The following SASH1 variants were observed in gnomAD, a reference collection of about 807,000 sequenced individuals.
SASH1 encodes SAM and SH3 domain containing 1.
SASH1 carries 44 observed loss-of-function variants against 125.2 expected under a neutral mutation model. The ratio of observed to expected loss-of-function variants is 0.35; its 90% CI spans 0.28 to 0.45. SASH1 has a LOEUF of 0.45. Among genes scored for constraint, SASH1 ranks in the 20% least tolerant of loss-of-function variants. The pLI is 1.00. For missense variants in SASH1, 1,426 were observed against 1,614.5 expected (o/e 0.88, Z 2.00); for synonymous variants, 639 against 649.1 (o/e 0.98, Z 0.24).
At chr6:148,201,908 A>G in the SASH1 span, among the ~76,000 whole-genome samples, 1 of 152,180 alleles carries the variant, frequency 6.6e-6, no homozygotes, top group Admixed American at 6.5e-5. Flanking sequence ...GAGGCTGGAC[A>G]CAGCCTGCAG....
chr6:148,250,816 G>A, the SASH1 span, among the ~76,000 whole-genome samples: 5 of 152,114 alleles, frequency 3.3e-5, no homozygotes, highest in African/African-American at 7.2e-5. Flanking sequence ...TATCCCTAGT[G>A]TTTCAGTAAC....
At chr6:148,353,782 T>C (rs533215500) in intron 1 of SASH1, among the ~76,000 whole-genome samples, 1 of 152,346 alleles carries the variant, frequency 6.6e-6, no homozygotes, top group East Asian at 1.9e-4. Flanking sequence ...CCCTTTTTAA[T>C]ATGTAGCTTA....
intron 1 of SASH1, among the ~76,000 whole-genome samples, chr6:148,354,288 T>C (rs1158443895): frequency 1.3e-5 from 2 of 152,252 alleles, no homozygotes; most frequent in African/African-American, 4.8e-5. Context: ...TCTGTTTAAA[T>C]GGTACCCACA....
chr6:148,379,574 A>G (rs1247249044), intron 1 of SASH1, among the ~76,000 whole-genome samples: 1 of 152,144 alleles, frequency 6.6e-6, no homozygotes, highest in Non-Finnish European at 1.5e-5. Flanking sequence ...CAGGAAAGAG[A>G]GGGATCAACT....
intron 8 of SASH1, among the ~76,000 whole-genome samples, chr6:148,505,663 A>G (rs1779759188): frequency 6.9e-6 from 1 of 144,734 alleles, no homozygotes; most frequent in African/African-American, 2.6e-5. Flanking sequence ...CTTTTTGGAG[A>G]TAGAGTGTCG....
intron 2 of SASH1, among the ~76,000 whole-genome samples, chr6:148,403,025 G>A (rs1784238147): frequency 6.6e-6 from 1 of 152,100 alleles, no homozygotes; most frequent in Non-Finnish European, 1.5e-5. Context: ...TCATTATAAA[G>A]TTAGCACTTG....
chr6:148,201,382 T>A, the SASH1 span, among the ~76,000 whole-genome samples: 4 of 152,124 alleles, frequency 2.6e-5, no homozygotes, highest in African/African-American at 7.2e-5. Context: ...TGGGACCAAC[T>A]GAATAGAGCA....
chr6:148,513,282 T>C, intron 8 of SASH1: 3 of 985,386 alleles, frequency 3.0e-6, no homozygotes, highest in Non-Finnish European at 3.6e-6. Context: ...TTGGAGGAAA[T>C]GGAGAGAAGG....
At chr6:148,525,194 T>C in intron 10 of SASH1, 97 bp from the exon 11 acceptor site, 1 of 822,068 alleles carries the variant, frequency 1.2e-6, no homozygotes, top group South Asian at 1.4e-5. Flanking sequence ...GTATTTGTGA[T>C]TCAGAGATGT....
chr6:148,392,451 T>C (rs1275821903), intron 2 of SASH1, among the ~76,000 whole-genome samples: 1 of 152,166 alleles, frequency 6.6e-6, no homozygotes, highest in Non-Finnish European at 1.5e-5. Context: ...TTGTTAATAA[T>C]TATTTTTATG....
intron 4 of SASH1, among the ~76,000 whole-genome samples, chr6:148,453,670 G>A (rs1438442445): frequency 9.9e-5 from 15 of 152,172 alleles, no homozygotes. Context: ...AATTTGATAA[G>A]CATTTATCCA....
chr6:148,215,774 A>C, the SASH1 span, among the ~76,000 whole-genome samples: 1 of 152,146 alleles, frequency 6.6e-6, no homozygotes, highest in Non-Finnish European at 1.5e-5. Flanking sequence ...TGCTTGCTGG[A>C]ACTTTTCCAC....
intron 1 of SASH1, among the ~76,000 whole-genome samples, chr6:148,337,766 G>C (rs1379101071): frequency 1.3e-5 from 2 of 152,196 alleles, no homozygotes; most frequent in Non-Finnish European, 2.9e-5. Flanking sequence ...CAATATGATG[G>C]AGACTAATTT....
chr6:148,456,291 C>A (rs1426071719), intron 4 of SASH1, among the ~76,000 whole-genome samples: 1 of 152,192 alleles, frequency 6.6e-6, no homozygotes, highest in Non-Finnish European at 1.5e-5. Flanking sequence ...TGGGGGCCCT[C>A]CCTGCCCGTC....
intron 16 of SASH1, among the ~76,000 whole-genome samples, chr6:148,536,777 C>A (rs917660130): frequency 6.6e-6 from 1 of 152,188 alleles, no homozygotes; most frequent in African/African-American, 2.4e-5. Flanking sequence ...ACCCATCATT[C>A]CTCCTGGGAT....
intron 1 of SASH1, among the ~76,000 whole-genome samples, chr6:148,377,189 A>C (rs1309833056): frequency 1.5e-4 from 22 of 144,952 alleles, no homozygotes; most frequent in Non-Finnish European, 2.7e-4. Context: ...AAAAACAAAA[A>C]AAAAACAAAA....
At chr6:148,326,627 C>T (rs543043212) in intron 1 of SASH1, among the ~76,000 whole-genome samples, 2 of 151,608 alleles carry the variant, frequency 1.3e-5, no homozygotes, top group East Asian at 3.9e-4. Flanking sequence ...GTCTTGAACT[C>T]CTGACCTCAG....
chr6:148,446,955 A>G (rs760927113), intron 4 of SASH1, among the ~76,000 whole-genome samples: 1 of 152,236 alleles, frequency 6.6e-6, no homozygotes, highest in Non-Finnish European at 1.5e-5. Flanking sequence ...ATGCAAATAC[A>G]GAGGCTAGTG....
chr6:148,403,958 G>C (rs1168045585), intron 2 of SASH1, among the ~76,000 whole-genome samples: 1 of 152,126 alleles, frequency 6.6e-6, no homozygotes, highest in East Asian at 1.9e-4. Context: ...AAATTCCATA[G>C]TACTTTGAAT....
Sources: allele counts gnomAD v4.1 joint callset (sites outside exome capture counted in the v4.1 genomes callset), GRCh38; gene constraint gnomAD v4.1.1; transcripts MANE v1.5; gene names NCBI Gene and HGNC (gene_info 2026-07-23, HGNC 2026-07-21).